NUP153: variants seen among roughly 807,000 people sequenced by gnomAD.
NUP153 encodes the protein nuclear pore complex protein Nup153.
NUP153 carries 27 observed loss-of-function variants against 134.6 expected under a neutral mutation model. The observed-to-expected ratio is 0.20, with a 90% CI of 0.15 to 0.28. NUP153 has a LOEUF of 0.28. Ranked by LOEUF, NUP153 falls within the 10% of genes least tolerant of loss-of-function variation. NUP153 has a pLI of 1.00. For missense variants in NUP153, 1,821 were observed against 1,731.3 expected (o/e 1.05, Z -0.92); for synonymous variants, 640 against 623.5 (o/e 1.03, Z -0.40).
intron 1 of NUP153, among the ~76,000 whole-genome samples, chr6:17,701,841 G>T (rs934811183): frequency 9.7e-6 from 1 of 103,180 alleles, no homozygotes; most frequent in African/African-American, 3.6e-5. Context: ...TCGGGGGGGG[G>T]GGGAAAAAAG....
In NUP153 at chr6:17,706,507, CCA is replaced by C. The variant is rs1770513699; in HGVS notation, c.-122_-121del. On this transcript the variant is annotated 5_prime_UTR_variant, in exon 1 of 22. Transcript: ENST00000262077. The surrounding 1 kb of genome is among the most constrained non-coding windows in gnomAD (Gnocchi z 5.9). ...CGGCCCAAAAGTCCGCCCGCGCTGT[CCA>C]CACAGTGGGCACAAGCACCCCAGGA... 1.4e-6 allele frequency: 1 copy of C among 694,382 alleles called. No homozygotes were observed. Among genetic ancestry groups the C allele is most frequent in the Non-Finnish European group, 2.4e-6 (1 of 421,014 alleles). 43.0% of individuals were successfully genotyped at this position (694,382 alleles called of 1,614,324 possible).
Position 17,669,540 on chromosome 6 carries a change from C to T in NUP153, c.859G>A (p.Val287Ile). ...TGCTTAGCTTTCATTTGTCTTCTAACTGGTGCCTGTAAAGTAAACCCTATA... is the reference window on the plus strand; with the variant it reads ...TGCTTAGCTTTCATTTGTCTTCTAATTGGTGCCTGTAAAGTAAACCCTATA... ...KLRNTPYQAP[V>I]RRQMKAKQLS... The change falls in exon 6 of 22, where the codon GTT becomes ATT. Residue 287 changes from valine (V) to isoleucine (I), a missense_variant. By Grantham distance (29) the Val-to-Ile change is conservative. Transcript: ENST00000262077. The T allele has an allele frequency of 6.2e-7, 1 of 1,605,764 alleles. No homozygotes were observed. Among genetic ancestry groups the T allele is most frequent in the Non-Finnish European group, 8.5e-7 (1 of 1,172,406 alleles).
chr6:17,665,489 C>A, intron 8 of NUP153, 104 bp from the exon 9 acceptor site: 1 of 861,374 alleles, frequency 1.2e-6, no homozygotes, highest in Admixed American at 2.6e-5. Context: ...ATGAGTATTT[C>A]CCAGAGAAAT....
chr6:17,644,278 C>T (rs1766020032), intron 14 of NUP153, among the ~76,000 whole-genome samples: 3 of 152,060 alleles, frequency 2.0e-5, no homozygotes, highest in African/African-American at 7.2e-5. Context: ...TAATATCTCC[C>T]AACTCATGTT....
chr6:17,698,447 A>G (rs1769808637), intron 1 of NUP153, among the ~76,000 whole-genome samples: 1 of 152,134 alleles, frequency 6.6e-6, no homozygotes, highest in Non-Finnish European at 1.5e-5. Context: ...TACAAAAATT[A>G]GCTGGGAGCA....
intron 1 of NUP153, among the ~76,000 whole-genome samples, chr6:17,697,685 C>T (rs1199039748): frequency 2.6e-5 from 4 of 151,658 alleles, no homozygotes; most frequent in South Asian, 4.2e-4. Flanking sequence ...GAGACTCCAT[C>T]TCAAAAAAAA....
chr6:17,640,252 T>G (rs1398639381), intron 14 of NUP153, among the ~76,000 whole-genome samples, 188 bp from the exon 15 acceptor site: 2 of 152,170 alleles, frequency 1.3e-5, no homozygotes, highest in African/African-American at 4.8e-5. Context: ...AAAAACACTA[T>G]TCCCATACTA....
At chr6:17,669,873 C>T (rs1373704840) in intron 5 of NUP153, among the ~76,000 whole-genome samples, 4 of 151,782 alleles carry the variant, frequency 2.6e-5, no homozygotes, top group Non-Finnish European at 4.4e-5. Context: ...GGAGGGCGGA[C>T]TGCCTGAGCT....
At chr6:17,671,031 G>A (rs562686413) in intron 5 of NUP153, among the ~76,000 whole-genome samples, 7 of 152,084 alleles carry the variant, frequency 4.6e-5, no homozygotes, top group Admixed American at 2.0e-4. Flanking sequence ...GGCTGGTCTC[G>A]AACTCCTGAC....
At chr6:17,657,402 A>T (rs1333723784) in intron 11 of NUP153, among the ~76,000 whole-genome samples, 5 of 119,928 alleles carry the variant, frequency 4.2e-5, no homozygotes, top group South Asian at 4.6e-4. Context: ...ATAAAAAAAT[A>T]AAAAAAAAAA....
chr6:17,694,832 A>G (rs1038195432), intron 1 of NUP153, among the ~76,000 whole-genome samples: 1 of 151,932 alleles, frequency 6.6e-6, no homozygotes, highest in African/African-American at 2.4e-5. Context: ...AAAAAAAAGT[A>G]GCCGGGCATG....
In NUP153 at chr6:17,658,439, C is replaced by T. The variant is rs191922894; in HGVS notation, c.1395+3214G>A. On this transcript the variant is annotated intron_variant, in intron 11 of 21. Transcript: ENST00000262077. ...ACAAAACAAAACACCCAAAGAAGCA[C>T]ACAATAACAACAAAAAACAAAGTTT... Among the ~76,000 whole-genome samples, 34 of 152,066 alleles carry T rather than the reference C, an allele frequency of 2.2e-4. No individual in the cohort carries two copies. The East Asian group carries it at 6.0e-3, about 27-fold the overall frequency.
chr6:17,695,456 T>C (rs181582795), intron 1 of NUP153, among the ~76,000 whole-genome samples: 6 of 152,292 alleles, frequency 3.9e-5, no homozygotes, highest in East Asian at 1.9e-4. Flanking sequence ...TTAACTACAA[T>C]AGAATTTTAC....
intron 9 of NUP153, among the ~76,000 whole-genome samples, chr6:17,663,246 C>T (rs1445775815): frequency 7.5e-6 from 1 of 134,188 alleles, no homozygotes; most frequent in Admixed American, 7.8e-5. Context: ...CACACACACA[C>T]ACACACACAC....
At chr6:17,689,629 T>C (rs528643237) in intron 1 of NUP153, among the ~76,000 whole-genome samples, 3 of 151,432 alleles carry the variant, frequency 2.0e-5, no homozygotes, top group African/African-American at 7.3e-5. Flanking sequence ...CTCCGCCTCC[T>C]GGGTTCAATG....
chr6:17,706,175 C>T lies in NUP153; in HGVS notation c.111+102G>A, dbSNP rs1770480742. Reference sequence around the variant, plus strand: ...GCCTCACTCGGGCCTTTCCTCAGGCCCTCCTGTCTGCTCCACGTGGGGCGC... The same window carrying T: ...GCCTCACTCGGGCCTTTCCTCAGGCTCTCCTGTCTGCTCCACGTGGGGCGC... On this transcript the variant is annotated intron_variant, in intron 1 of 21. Transcript: ENST00000262077. The surrounding 1 kb of genome is among the most constrained non-coding windows in gnomAD (Gnocchi z 5.9). The T allele has an allele frequency of 5.3e-6, 5 of 944,694 alleles. No individual in the cohort carries two copies. The South Asian group carries it at 6.8e-5, about 13-fold the overall frequency. 58.5% of individuals were successfully genotyped at this position (944,694 alleles called of 1,614,324 possible).
In NUP153 at chr6:17,625,017, T is replaced by C. The variant is rs1462607943; in HGVS notation, c.3902-184A>G. 2.0e-5 allele frequency among the ~76,000 whole-genome samples: 3 copies of C among 152,196 alleles called. No homozygotes were observed. The highest frequency in any genetic ancestry group is 1.3e-4 in the Admixed American group (2 of 15,288). ...TACAACGCTCTCTACCATTATTTAG[T>C]GAAACATACTAAATTCATATAAACA... On this transcript the variant is annotated intron_variant, in intron 19 of 21. Transcript: ENST00000262077. The surrounding 1 kb of genome is among the most constrained non-coding windows in gnomAD (Gnocchi z 4.7).
intron 1 of NUP153, among the ~76,000 whole-genome samples, chr6:17,689,343 C>T (rs1437073846): frequency 6.6e-6 from 1 of 151,894 alleles, no homozygotes; most frequent in Non-Finnish European, 1.5e-5. Flanking sequence ...GCCCAGACTG[C>T]ACCATGGCAC....
intron 1 of NUP153, among the ~76,000 whole-genome samples, chr6:17,695,459 A>G (rs535316671): frequency 8.7e-4 from 133 of 152,326 alleles, no homozygotes; most frequent in African/African-American, 2.6e-3. Context: ...ACTACAATAG[A>G]ATTTTACCTA....
Sources: allele counts gnomAD v4.1 joint callset (sites outside exome capture counted in the v4.1 genomes callset), GRCh38; gene constraint gnomAD v4.1.1; non-coding constraint Gnocchi (gnomAD v3.1); transcripts MANE v1.5; gene names NCBI Gene and HGNC (gene_info 2026-07-23, HGNC 2026-07-21).